PTPRK: variants seen among roughly 807,000 people sequenced by gnomAD.
The protein encoded by PTPRK is protein tyrosine phosphatase receptor type K.
PTPRK carries 75 observed loss-of-function variants against 178.0 expected under a neutral mutation model. The ratio of observed to expected loss-of-function variants is 0.42; its 90% CI spans 0.35 to 0.51. The LOEUF (loss-of-function observed/expected upper bound fraction) is 0.51. Ranked by LOEUF, PTPRK falls within the 20% of genes least tolerant of loss-of-function variation. The pLI, the probability that PTPRK is intolerant of heterozygous loss-of-function variation, is 0.02. For missense variants in PTPRK, 1,441 were observed against 1,797.8 expected (o/e 0.80, Z 3.59); for synonymous variants, 637 against 620.6 (o/e 1.03, Z -0.39).
chr6:128,056,915 G>A (rs898140866), intron 13 of PTPRK, among the ~76,000 whole-genome samples: 2 of 152,078 alleles, frequency 1.3e-5, no homozygotes, highest in East Asian at 1.9e-4. Flanking sequence ...AATCTGAATG[G>A]CAAATGACTA....
chr6:128,050,804 G>A (rs1778870491), intron 13 of PTPRK, among the ~76,000 whole-genome samples: 1 of 152,148 alleles, frequency 6.6e-6, no homozygotes, highest in Non-Finnish European at 1.5e-5. Flanking sequence ...GCCTCCCAAA[G>A]TGTTGGGATT....
chr6:128,374,867 A>G (rs1416460750), intron 2 of PTPRK, among the ~76,000 whole-genome samples: 1 of 151,960 alleles, frequency 6.6e-6, no homozygotes, highest in East Asian at 1.9e-4. Context: ...TCCTATAACA[A>G]TGCCTTCCAC....
chr6:128,067,006 A>T (rs1781895897), intron 12 of PTPRK, among the ~76,000 whole-genome samples: 1 of 152,190 alleles, frequency 6.6e-6, no homozygotes, highest in Non-Finnish European at 1.5e-5. Context: ...GTTCAGTCAG[A>T]TATACCACAG....
At chr6:128,152,799 G>A (rs73588650) in intron 7 of PTPRK, among the ~76,000 whole-genome samples, 3 of 152,014 alleles carry the variant, frequency 2.0e-5, no homozygotes, top group Admixed American at 1.3e-4. Context: ...TGGACAGATC[G>A]TGACAGAGAA....
intron 1 of PTPRK, among the ~76,000 whole-genome samples, chr6:128,405,093 G>C (rs1022281743): frequency 6.6e-6 from 1 of 152,104 alleles, no homozygotes; most frequent in Admixed American, 6.5e-5. Flanking sequence ...AGGCATCCCT[G>C]ATATCACTGA....
intron 3 of PTPRK, among the ~76,000 whole-genome samples, chr6:128,276,075 ATATT>A (rs943263267): frequency 5.8e-4 from 88 of 152,190 alleles, no homozygotes; most frequent in African/African-American, 2.1e-3. Flanking sequence ...ATTTAATTAA[ATATT>A]AAGTGATTCA....
At chr6:128,176,621 C>A (rs963706431) in intron 7 of PTPRK, among the ~76,000 whole-genome samples, 2 of 151,874 alleles carry the variant, frequency 1.3e-5, no homozygotes, top group African/African-American at 4.8e-5. Flanking sequence ...TTAGAATTCA[C>A]TCATTTGCTT....
intron 17 of PTPRK, among the ~76,000 whole-genome samples, chr6:127,996,178 C>T (rs1052788353): frequency 1.3e-5 from 2 of 151,906 alleles, no homozygotes; most frequent in East Asian, 1.9e-4. Flanking sequence ...TAAATAATAT[C>T]GAACAACTGG....
At chr6:128,394,773 T>C (rs1840063696) in intron 2 of PTPRK, among the ~76,000 whole-genome samples, 1 of 152,318 alleles carries the variant, frequency 6.6e-6, no homozygotes, top group Middle Eastern at 3.4e-3. Context: ...GTACTGTATC[T>C]CCTCATGAAT....
intron 1 of PTPRK, among the ~76,000 whole-genome samples, chr6:128,494,201 TAAAAAA>T (rs11301155): frequency 5.3e-5 from 6 of 112,944 alleles, no homozygotes; most frequent in Non-Finnish European, 7.3e-5. Context: ...CCCTGTATCT[TAAAAAA>T]AAAAAAAAAA....
chr6:128,099,119 G>A (rs1788372492), intron 7 of PTPRK, among the ~76,000 whole-genome samples: 1 of 151,224 alleles, frequency 6.6e-6, no homozygotes. Flanking sequence ...GTATATATAA[G>A]AGAATCTGTT....
intron 3 of PTPRK, among the ~76,000 whole-genome samples, chr6:128,296,897 A>T (rs1319373244): frequency 6.6e-6 from 1 of 151,970 alleles, no homozygotes; most frequent in Non-Finnish European, 1.5e-5. Flanking sequence ...ATGTAAATGG[A>T]CTAAATGCTC....
chr6:128,182,807 C>T (rs1184259830), intron 7 of PTPRK, among the ~76,000 whole-genome samples: 1 of 152,116 alleles, frequency 6.6e-6, no homozygotes, highest in East Asian at 1.9e-4. Context: ...ATGGCTTTCA[C>T]ATCTGGAACC....
At chr6:128,037,192 A>C (rs902646271) in intron 13 of PTPRK, among the ~76,000 whole-genome samples, 1 of 151,946 alleles carries the variant, frequency 6.6e-6, no homozygotes, top group African/African-American at 2.4e-5. Context: ...TCATTGAGAG[A>C]CTCTCTTTTA....
chr6:128,151,504 A>G (rs961961524), intron 7 of PTPRK, among the ~76,000 whole-genome samples: 2 of 152,176 alleles, frequency 1.3e-5, no homozygotes, highest in Non-Finnish European at 2.9e-5. Context: ...TGTAAGAAGT[A>G]GTAGGAAAGA....
intron 8 of PTPRK, among the ~76,000 whole-genome samples, chr6:128,084,064 T>A (rs1785307462): frequency 6.6e-6 from 1 of 152,158 alleles, no homozygotes; most frequent in Non-Finnish European, 1.5e-5. Context: ...GTTATTTTTA[T>A]TCAAAAGAAT....
intron 1 of PTPRK, among the ~76,000 whole-genome samples, chr6:128,512,118 C>G (rs570782264): frequency 6.6e-6 from 1 of 152,254 alleles, no homozygotes; most frequent in African/African-American, 2.4e-5. Flanking sequence ...TGAAGATATA[C>G]GAAAGTGCCC....
chr6:128,075,218 C>T (rs867891911), intron 11 of PTPRK, among the ~76,000 whole-genome samples: 1 of 152,026 alleles, frequency 6.6e-6, no homozygotes, highest in Non-Finnish European at 1.5e-5. Context: ...ACAGGGACTA[C>T]TCCAGCCTTC....
At chr6:128,283,442 T>G (rs1457140370) in intron 3 of PTPRK, among the ~76,000 whole-genome samples, 1 of 152,208 alleles carries the variant, frequency 6.6e-6, no homozygotes, top group Non-Finnish European at 1.5e-5. Flanking sequence ...AGGTAATTCT[T>G]CCTTCTCATA....
Sources: allele counts gnomAD v4.1 joint callset (sites outside exome capture counted in the v4.1 genomes callset), GRCh38; gene constraint gnomAD v4.1.1; transcripts MANE v1.5; gene names NCBI Gene and HGNC (gene_info 2026-07-23, HGNC 2026-07-21).